The following CLSTN2 variants were observed in gnomAD, a reference collection of about 807,000 sequenced individuals.
CLSTN2 encodes the protein calsyntenin 2, also known as calsyntenin-2.
A neutral mutation model predicts 101.2 loss-of-function variants in CLSTN2; 48 were observed. That is an observed-to-expected ratio of 0.47 (90% CI 0.38 to 0.60). CLSTN2 has a LOEUF of 0.60. Ranked by LOEUF, CLSTN2 falls within the 20% of genes least tolerant of loss-of-function variation. The pLI, the probability that CLSTN2 is intolerant of heterozygous loss-of-function variation, is 0.00. For synonymous variants in CLSTN2, 481 were observed against 463.6 expected, an observed-to-expected ratio of 1.04 and a Z score of -0.48; for missense variants, 1,160 against 1,238.2, an observed-to-expected ratio of 0.94 and a Z score of 0.95.
chr3:139,960,063 G>C (rs1186418523), intron 1 of CLSTN2, among the ~76,000 whole-genome samples: 1 of 152,156 alleles, frequency 6.6e-6, no homozygotes, highest in Admixed American at 6.5e-5. Flanking sequence ...GTTTTCAAAT[G>C]CTTTATTCGT....
rs144171704 is a variant in CLSTN2, at chr3:140,278,607, G to A, written c.232+102534G>A. ...CATTACATCCCCTGGGCCAGTCCTG[G>A]AGGGGAAGATGGCACAGATTAGTGC... On this transcript the variant is annotated intron_variant, in intron 2 of 16. Transcript: ENST00000458420. Among the ~76,000 whole-genome samples the A allele has an allele frequency of 4.0e-3, 614 of 152,330 alleles. 1 individual carries two copies. The highest frequency in any genetic ancestry group is 0.014 in the African/African-American group (569 of 41,580).
At chr3:139,983,675 CCT>C (rs1432604391) in intron 1 of CLSTN2, among the ~76,000 whole-genome samples, 2 of 151,778 alleles carry the variant, frequency 1.3e-5, no homozygotes, top group Non-Finnish European at 2.9e-5. Context: ...AATCAAAATG[CCT>C]CTTTCTTTCA....
chr3:140,176,006 C>A lies in CLSTN2; in HGVS notation c.165C>A (p.Asn55Lys), dbSNP rs751728404. ...ETSYHGVITE[N>K]NDTVILDPPL... is the part of the protein sequence containing the mutation. ...CATATCATGGAGTCATAACTGAGAA[C>A]AATGACACAGTCATTTTGGACCCAC... is the stretch of plus-strand genomic sequence containing the variant. The change falls in exon 2 of 17, where the codon AAC becomes AAA. Residue 55 changes from asparagine to lysine, a missense_variant. Asn to Lys is a moderately conservative substitution (Grantham distance 94). Coordinates refer to ENST00000458420, the MANE Select transcript of CLSTN2 (RefSeq NM_022131.3). The A allele has an allele frequency of 1.2e-6, 2 of 1,613,208 alleles. No homozygotes were observed. The highest frequency in any genetic ancestry group is 2.2e-5 in the East Asian group (1 of 44,842).
intron 1 of CLSTN2, among the ~76,000 whole-genome samples, chr3:140,170,071 A>G (rs1284899026): frequency 6.6e-6 from 1 of 152,224 alleles, no homozygotes. Context: ...AAATTCAGGA[A>G]ACAAAAATAT....
At chr3:139,943,115 C>T (rs1935160964) in intron 1 of CLSTN2, among the ~76,000 whole-genome samples, 1 of 152,136 alleles carries the variant, frequency 6.6e-6, no homozygotes, top group East Asian at 1.9e-4. Context: ...GAATCTACTG[C>T]TTCTGCTGTG....
intron 1 of CLSTN2, among the ~76,000 whole-genome samples, chr3:140,012,968 A>G (rs2107752060): frequency 6.6e-6 from 1 of 152,244 alleles, no homozygotes; most frequent in African/African-American, 2.4e-5. Flanking sequence ...TATGGATGAT[A>G]GCAGCTTTAG....
intron 2 of CLSTN2, among the ~76,000 whole-genome samples, chr3:140,284,326 C>G (rs1328800410): frequency 6.6e-6 from 1 of 152,066 alleles, no homozygotes; most frequent in Non-Finnish European, 1.5e-5. Context: ...GCCATAATTG[C>G]TTGTTAAATT....
chr3:140,078,439 C>T (rs1172224427), intron 1 of CLSTN2, among the ~76,000 whole-genome samples: 1 of 152,142 alleles, frequency 6.6e-6, no homozygotes, highest in Non-Finnish European at 1.5e-5. Flanking sequence ...CTACTGAGAC[C>T]ATTACAAAAT....
At chr3:140,234,028 A>C (rs771469579) in intron 2 of CLSTN2, among the ~76,000 whole-genome samples, 1 of 152,178 alleles carries the variant, frequency 6.6e-6, no homozygotes, top group Non-Finnish European at 1.5e-5. Context: ...TTTATTCTTC[A>C]TCCCTTAACA....
intron 8 of CLSTN2, among the ~76,000 whole-genome samples, chr3:140,472,019 A>G (rs1365824237): frequency 6.6e-6 from 1 of 152,152 alleles, no homozygotes; most frequent in Non-Finnish European, 1.5e-5. Flanking sequence ...GGATCCTCTT[A>G]AGAGGATTCA....
intron 2 of CLSTN2, among the ~76,000 whole-genome samples, chr3:140,347,728 A>G (rs1395390050): frequency 1.3e-5 from 2 of 152,232 alleles, no homozygotes; most frequent in African/African-American, 4.8e-5. Flanking sequence ...TCAAATCATC[A>G]TAGATCTACT....
At chr3:140,295,478 T>C (rs1016873938) in intron 2 of CLSTN2, among the ~76,000 whole-genome samples, 1 of 152,202 alleles carries the variant, frequency 6.6e-6, no homozygotes, top group Non-Finnish European at 1.5e-5. Context: ...TTTTGTTGAG[T>C]ATTTATGGAC....
intron 1 of CLSTN2, among the ~76,000 whole-genome samples, chr3:140,090,820 T>C (rs2008768762): frequency 6.6e-6 from 1 of 151,842 alleles, no homozygotes; most frequent in Non-Finnish European, 1.5e-5. Context: ...AGATAGACCA[T>C]TAAAGGAGGT....
At chr3:140,055,975 GAGA>G (rs1233413168) in intron 1 of CLSTN2, among the ~76,000 whole-genome samples, 2 of 152,234 alleles carry the variant, frequency 1.3e-5, no homozygotes, top group Non-Finnish European at 2.9e-5. Flanking sequence ...TTGATATAAA[GAGA>G]AGGTCTTTGA....
At chr3:140,537,689 A>T (rs1344095680) in intron 9 of CLSTN2, among the ~76,000 whole-genome samples, 3 of 152,242 alleles carry the variant, frequency 2.0e-5, no homozygotes, top group African/African-American at 7.2e-5. Flanking sequence ...CTGGGTCACA[A>T]CGTAAAAGAT....
At chr3:140,119,244 C>A (rs2009299622) in intron 1 of CLSTN2, among the ~76,000 whole-genome samples, 1 of 152,224 alleles carries the variant, frequency 6.6e-6, no homozygotes, top group Non-Finnish European at 1.5e-5. Flanking sequence ...CCCCACTCAG[C>A]AGAATCCCAG....
At chr3:139,941,326 T>C (rs745745156) in intron 1 of CLSTN2, among the ~76,000 whole-genome samples, 1 of 152,032 alleles carries the variant, frequency 6.6e-6, no homozygotes, top group Admixed American at 6.5e-5. Context: ...AGAGGGAGTA[T>C]TGGTCAGAGG....
chr3:140,193,512 C>A (rs73226968), intron 2 of CLSTN2, among the ~76,000 whole-genome samples: 6,017 of 150,986 alleles, frequency 0.04, 170 homozygotes, highest in Non-Finnish European at 0.062. Flanking sequence ...CATTGCCATT[C>A]TGTTTTTGTT....
At chr3:140,012,115 G>A (rs916243461) in intron 1 of CLSTN2, among the ~76,000 whole-genome samples, 3 of 152,062 alleles carry the variant, frequency 2.0e-5, no homozygotes, top group African/African-American at 7.2e-5. Flanking sequence ...TGCTCTCTAT[G>A]GTCCAGTGCG....
Sources: gnomAD v4.1 joint callset for allele counts (sites outside exome capture counted in the v4.1 genomes callset) on GRCh38, gnomAD v4.1.1 for gene constraint, MANE v1.5 for transcripts, NCBI Gene and HGNC (gene_info 2026-07-23, HGNC 2026-07-21) for gene names.